Variants in GRAMD1B observed in about 807,000 individuals in gnomAD.
GRAMD1B encodes the protein GRAM domain containing 1B.
A neutral mutation model predicts 99.7 loss-of-function variants in GRAMD1B; 37 were observed. That is an observed-to-expected ratio of 0.37 (90% CI 0.29 to 0.49). The LOEUF is 0.49. GRAMD1B is among the 20% of genes least tolerant of loss of function. GRAMD1B has a pLI of 0.98. For missense variants in GRAMD1B, 888 were observed against 1,009.2 expected, an observed-to-expected ratio of 0.88 and a Z score of 1.63; for synonymous variants, 427 against 387.6, an observed-to-expected ratio of 1.10 and a Z score of -1.19.
chr11:123,526,065 C>G (rs1355833174), intron 2 of GRAMD1B: 16 of 1,195,926 alleles, frequency 1.3e-5, no homozygotes, highest in Non-Finnish European at 2.0e-5. Flanking sequence ...GGGACTTCGT[C>G]ATCTTTTCCA....
chr11:123,430,484 G>A lies in GRAMD1B; in HGVS notation c.-309G>A, dbSNP rs1591511004. The A allele has an allele frequency of 2.7e-6, 1 of 368,986 alleles. No individual in the cohort carries two copies. Among genetic ancestry groups the A allele is most frequent in the South Asian group, 7.1e-5 (1 of 14,116 alleles). 22.9% of individuals were successfully genotyped at this position (368,986 alleles called of 1,614,324 possible). A position where few individuals can be genotyped will look rare whatever the true frequency, so the allele number is the denominator to read the frequency against. ...GAAGCGCAGCGGAAGAAAAACAAGC[G>A]GGCGCGCGAGGGGAGCCCCAGGAGG... is the stretch of plus-strand genomic sequence containing the variant. On this transcript the variant is annotated 5_prime_UTR_variant, in exon 1 of 20. Transcript: ENST00000635736.
chr11:123,551,012 C>A (rs1489118566), intron 2 of GRAMD1B, among the ~76,000 whole-genome samples: 1 of 152,176 alleles, frequency 6.6e-6, no homozygotes, highest in Admixed American at 6.5e-5. Context: ...GATTTGCCTG[C>A]AGGAGTTTTA....
intron 1 of GRAMD1B, among the ~76,000 whole-genome samples, chr11:123,433,032 A>C (rs1028085443): frequency 4.6e-5 from 7 of 152,112 alleles, no homozygotes; most frequent in Non-Finnish European, 8.8e-5. Context: ...AAATGGGGCA[A>C]GCTTGGTGGG....
upstream of GRAMD1B, among the ~76,000 whole-genome samples, chr11:123,426,037 T>C (rs1471310539): frequency 1.3e-5 from 2 of 152,210 alleles, no homozygotes; most frequent in African/African-American, 4.8e-5. Flanking sequence ...GTGCAAGATA[T>C]TAAAGCTATT....
chr11:123,400,076 G>A (rs1464017055), intron 1 of GRAMD1B, among the ~76,000 whole-genome samples: 3 of 152,168 alleles, frequency 2.0e-5, no homozygotes, highest in African/African-American at 7.2e-5. Context: ...CTATTGAGTT[G>A]TAGGAGTTCC....
At chr11:123,603,881 G>A (rs1952338225) in intron 9 of GRAMD1B, among the ~76,000 whole-genome samples, 1 of 152,242 alleles carries the variant, frequency 6.6e-6, no homozygotes, top group Non-Finnish European at 1.5e-5. Flanking sequence ...CCGTGAAGAG[G>A]CTGGTGAGTA....
chr11:123,420,802 G>C (rs1948406815), intron 1 of GRAMD1B, among the ~76,000 whole-genome samples: 2 of 152,180 alleles, frequency 1.3e-5, no homozygotes, highest in African/African-American at 4.8e-5. Context: ...CTTGACCTCT[G>C]CAGTTCTTCA....
At chr11:123,513,813 C>A (rs1941404538) in intron 2 of GRAMD1B, among the ~76,000 whole-genome samples, 1 of 151,670 alleles carries the variant, frequency 6.6e-6, no homozygotes, top group South Asian at 2.1e-4. Flanking sequence ...CATGCCACCA[C>A]ACTTGGCTAA....
In GRAMD1B at chr11:123,591,385, G is replaced by A. The variant is rs532046952; in HGVS notation, c.685-2697G>A. On this transcript the variant is annotated intron_variant, in intron 4 of 19. Transcript: ENST00000635736. This position sits in a 1 kb window ranked among gnomAD's most constrained non-coding sequence, Gnocchi z 4.7. ...CCAGGCGTCGTTGGGAGGGGCAGCC[G>A]TGCTGGGCAATGGAATCACTGACGG... is the stretch of plus-strand genomic sequence containing the variant. 2.8e-5 allele frequency: 11 copies of A among 399,190 alleles called. No homozygotes were observed. Among genetic ancestry groups the A allele is most frequent in the Non-Finnish European group, 4.4e-5 (10 of 226,288 alleles). The allele number at this position is 399,190 out of a possible 1,614,324, so 24.7% of individuals were successfully genotyped here.
intron 1 of GRAMD1B, among the ~76,000 whole-genome samples, chr11:123,422,237 G>A (rs1948467270): frequency 1.3e-5 from 2 of 152,290 alleles, no homozygotes; most frequent in Non-Finnish European, 2.9e-5. Flanking sequence ...TAGAGGAAAC[G>A]GACTATTCCT....
chr11:123,577,764 C>T (rs1015581351), intron 3 of GRAMD1B, among the ~76,000 whole-genome samples, 187 bp downstream of exon 3: 3 of 151,682 alleles, frequency 2.0e-5, no homozygotes, highest in Non-Finnish European at 2.9e-5. Flanking sequence ...ATATCTTCCC[C>T]GCTAAGCATT....
At chr11:123,549,403 A>G (rs1474090571) in intron 2 of GRAMD1B, among the ~76,000 whole-genome samples, 2 of 152,098 alleles carry the variant, frequency 1.3e-5, no homozygotes, top group Non-Finnish European at 2.9e-5. Context: ...TTAGCTGGCC[A>G]TGGTGGCGGG....
intron 1 of GRAMD1B, among the ~76,000 whole-genome samples, chr11:123,450,481 C>T (rs1477612819): frequency 6.6e-6 from 1 of 152,196 alleles, no homozygotes; most frequent in African/African-American, 2.4e-5. Context: ...CCTACAGGGG[C>T]TTCTCTAGTG....
intron 2 of GRAMD1B, among the ~76,000 whole-genome samples, chr11:123,496,652 C>A (rs879728205): frequency 1.3e-5 from 2 of 151,070 alleles, no homozygotes; most frequent in Non-Finnish European, 2.9e-5. Context: ...TCTTTTGTCG[C>A]CTCTAACTGT....
intron 2 of GRAMD1B, among the ~76,000 whole-genome samples, chr11:123,506,964 A>T (rs1362442999): frequency 6.6e-6 from 1 of 152,204 alleles, no homozygotes; most frequent in Admixed American, 6.5e-5. Context: ...TAATACACAT[A>T]TGGTGCTTCT....
chr11:123,479,127 A>T (rs572808247), intron 1 of GRAMD1B, among the ~76,000 whole-genome samples: 222 of 152,290 alleles, frequency 1.5e-3, no homozygotes, highest in African/African-American at 5.2e-3. Context: ...CATGGAAGGG[A>T]AGGAGAAAGG....
At chr11:123,431,191 CT>C (rs2134174889) in intron 1 of GRAMD1B, 25 bp downstream of exon 1, 1 of 684,886 alleles carries the variant, frequency 1.5e-6, no homozygotes, top group African/African-American at 1.7e-5. Flanking sequence ...CGCCCGTCTC[CT>C]TCCCTTCCCT....
chr11:123,365,210 C>CCATG (rs1946276783), intron 1 of GRAMD1B, among the ~76,000 whole-genome samples: 3 of 152,074 alleles, frequency 2.0e-5, no homozygotes, highest in Admixed American at 2.0e-4. Context: ...ATTTTCCACA[C>CCATG]CATGCTTTCC....
At chr11:123,599,251 G>A (rs1290181829) in intron 7 of GRAMD1B, 18 of 747,516 alleles carry the variant, frequency 2.4e-5, no homozygotes, top group Middle Eastern at 2.4e-4. Flanking sequence ...TCCTCCTTTC[G>A]TAATCCATCC....
Sources: allele counts gnomAD v4.1 joint callset (sites outside exome capture counted in the v4.1 genomes callset), GRCh38; gene constraint gnomAD v4.1.1; non-coding constraint Gnocchi (gnomAD v3.1); transcripts MANE v1.5; gene names NCBI Gene and HGNC (gene_info 2026-07-23, HGNC 2026-07-21).